Variants in MMP20 observed in about 807,000 individuals in gnomAD.
The protein encoded by MMP20 is matrix metallopeptidase 20, also known as matrix metalloproteinase-20.
A neutral mutation model predicts 51.8 loss-of-function variants in MMP20; 50 were observed. The observed-to-expected ratio is 0.97, with a 90% CI of 0.77 to 1.22. The LOEUF (loss-of-function observed/expected upper bound fraction) is 1.22. Among genes scored for constraint, MMP20 ranks in the 50% most tolerant of loss-of-function variants. The pLI, the probability that MMP20 is intolerant of heterozygous loss-of-function variation, is 0.00. For synonymous variants in MMP20, 244 were observed against 216.2 expected (o/e 1.13, Z -1.13); for missense variants, 663 against 601.4 (o/e 1.10, Z -1.07).
Position 102,577,332 on chromosome 11 carries a change from AC to A in MMP20, c.1445del (p.Gly482ValfsTer4), listed in dbSNP as rs1365287510. ...VSVVKSSSWI[G>X]C ...GAAGACTAGGCTTTTCTATTTAGCA[AC>A]CAATCCAGGAACTAGATTTCACCAC... is the stretch of plus-strand genomic sequence containing the variant. On this transcript the variant is annotated frameshift_variant, in exon 10 of 10. Coordinates refer to ENST00000260228, the MANE Select transcript of MMP20 (RefSeq NM_004771.4). LOFTEE classifies it high-confidence loss of function. The A allele has an allele frequency of 1.9e-6, 3 of 1,610,684 alleles. No homozygotes were observed. The highest frequency in any genetic ancestry group is 8.5e-7 in the Non-Finnish European group (1 of 1,176,878).
At chr11:102,590,723 C>T (rs1859307449) in intron 8 of MMP20, among the ~76,000 whole-genome samples, 1 of 152,094 alleles carries the variant, frequency 6.6e-6, no homozygotes, top group African/African-American at 2.4e-5. Context: ...ATTCTTATTC[C>T]ATAACTTGAG....
chr11:102,591,649 C>T (rs1298299200), intron 8 of MMP20, among the ~76,000 whole-genome samples: 1 of 152,062 alleles, frequency 6.6e-6, no homozygotes, highest in African/African-American at 2.4e-5. Context: ...TAGTTAATGC[C>T]CTAGACCAAC....
intron 8 of MMP20, among the ~76,000 whole-genome samples, chr11:102,587,360 T>C (rs920772557): frequency 6.6e-6 from 1 of 152,234 alleles, no homozygotes; most frequent in Admixed American, 6.5e-5. Flanking sequence ...ACTTGTGTGG[T>C]GGCCTAACAT....
chr11:102,594,856 C>T (rs1212331251), intron 6 of MMP20, 99 bp from the exon 7 acceptor site: 1 of 1,448,910 alleles, frequency 6.9e-7, no homozygotes, highest in East Asian at 2.5e-5. Flanking sequence ...AGAGGCCACT[C>T]ACTAAATGCC....
intron 3 of MMP20, among the ~76,000 whole-genome samples, chr11:102,611,451 T>A (rs1335178260): frequency 6.6e-6 from 1 of 152,238 alleles, no homozygotes. Flanking sequence ...GATGAGGTCA[T>A]GTGGCTAACG....
At chr11:102,619,936 A>G (rs1859727270) in intron 1 of MMP20, among the ~76,000 whole-genome samples, 4 of 152,236 alleles carry the variant, frequency 2.6e-5, no homozygotes, top group African/African-American at 9.6e-5. Flanking sequence ...ATAAAATTAG[A>G]AACTATTCCT....
rs1289109724 is a variant in MMP20 at position 102,609,048 on chromosome 11, G to C, written c.700C>G (p.Leu234Val). The change falls in exon 5 of 10, where the codon CTG becomes GTG. Residue 234 changes from leucine (L) to valine (V), a missense_variant. Physicochemically the swap from Leu to Val is conservative, Grantham distance 32. Transcript: ENST00000260228. ...GCTGATGGGTCTGTGGAATGGGCCA[G>C]GCCCAGGGCATGGCCAAATTCATGA... ...AAHEFGHALG[L>V]AHSTDPSALM... is the part of the protein sequence containing the mutation. 1 of 1,613,466 alleles carries C rather than the reference G, an allele frequency of 6.2e-7. No individual in the cohort carries two copies. The highest frequency in any genetic ancestry group is 1.7e-5 in the Admixed American group (1 of 60,000).
At chr11:102,615,482 C>A (rs983706302) in intron 2 of MMP20, among the ~76,000 whole-genome samples, 19 of 152,128 alleles carry the variant, frequency 1.2e-4, no homozygotes, top group African/African-American at 4.6e-4. Flanking sequence ...CATACCACTG[C>A]TTAGACTATT....
intron 2 of MMP20, among the ~76,000 whole-genome samples, chr11:102,613,005 C>T (rs113682421): frequency 0.087 from 13,182 of 151,978 alleles, 728 homozygotes; most frequent in Non-Finnish European, 0.13. Context: ...CCAAAGTGCT[C>T]GGATTACAGG....
intron 8 of MMP20, among the ~76,000 whole-genome samples, chr11:102,585,555 A>G (rs1399544047): frequency 6.6e-6 from 1 of 152,202 alleles, no homozygotes; most frequent in Non-Finnish European, 1.5e-5. Context: ...GCAAAAAGAA[A>G]TAGTTTTACT....
At chr11:102,586,383 T>A (rs368629650) in intron 8 of MMP20, among the ~76,000 whole-genome samples, 27 of 152,340 alleles carry the variant, frequency 1.8e-4, no homozygotes, top group African/African-American at 6.3e-4. Flanking sequence ...CTAGATTGTG[T>A]CTTCTTATGA....
At chr11:102,586,407 A>G (rs1859254684) in intron 8 of MMP20, among the ~76,000 whole-genome samples, 1 of 151,978 alleles carries the variant, frequency 6.6e-6, no homozygotes, top group South Asian at 2.1e-4. Flanking sequence ...TGTCCATTTC[A>G]TTTATCTAAT....
rs956270695 is a variant in MMP20, at chr11:102,608,970, T to C, written c.778A>G (p.Lys260Glu). The change falls in exon 5 of 10, where the codon AAA (lysine) becomes GAA (glutamate). Residue 260 changes from lysine to glutamate, a missense_variant. Coordinates refer to ENST00000260228, the MANE Select transcript of MMP20 (RefSeq NM_004771.4). ...GCCTGGATCCCTTTCACATCATCTT[T>C]GGGGAGGTGGAATCCATAGGGATTC... The part of the protein sequence containing the change: ...YKNPYGFHLP[K>E]DDVKGIQALY... 3 of 1,614,108 alleles carry C rather than the reference T, an allele frequency of 1.9e-6. No individual in the cohort carries two copies. The highest frequency in any genetic ancestry group is 1.6e-4 in the Middle Eastern group (1 of 6,062).
At chr11:102,598,682 G>A (rs1194720691) in intron 6 of MMP20, among the ~76,000 whole-genome samples, 4 of 152,170 alleles carry the variant, frequency 2.6e-5, no homozygotes, top group African/African-American at 9.7e-5. Context: ...CTAGTTCCTT[G>A]AATTCCTCCT....
At chr11:102,580,104 A>G (rs1018492416) in intron 8 of MMP20, among the ~76,000 whole-genome samples, 1 of 152,222 alleles carries the variant, frequency 6.6e-6, no homozygotes, top group African/African-American at 2.4e-5. Context: ...TTTCCTGGAA[A>G]GCTTATATGA....
intron 8 of MMP20, among the ~76,000 whole-genome samples, chr11:102,584,342 T>G (rs1859230127): frequency 6.6e-6 from 1 of 152,216 alleles, no homozygotes; most frequent in Non-Finnish European, 1.5e-5. Context: ...GAAGAAGTAT[T>G]TCACTGCGGG....
At chr11:102,582,649 T>C (rs142966933) in intron 8 of MMP20, among the ~76,000 whole-genome samples, 1 of 152,080 alleles carries the variant, frequency 6.6e-6, no homozygotes, top group Non-Finnish European at 1.5e-5. Context: ...CAGGACCCCA[T>C]GAGGAAAATG....
intron 1 of MMP20, among the ~76,000 whole-genome samples, chr11:102,623,627 T>A (rs946994922): frequency 6.6e-6 from 1 of 152,212 alleles, no homozygotes; most frequent in Non-Finnish European, 1.5e-5. Flanking sequence ...TAATTTTTTC[T>A]GCAAAGGACC....
intron 8 of MMP20, among the ~76,000 whole-genome samples, chr11:102,582,934 C>G (rs1859213718): frequency 6.6e-6 from 1 of 152,164 alleles, no homozygotes; most frequent in South Asian, 2.1e-4. Flanking sequence ...CCTGGGCAGT[C>G]TTATATCCTC....
Sources: allele counts gnomAD v4.1 joint callset (sites outside exome capture counted in the v4.1 genomes callset), GRCh38; gene constraint gnomAD v4.1.1; transcripts MANE v1.5; gene names NCBI Gene and HGNC (gene_info 2026-07-23, HGNC 2026-07-21).